CNTN5: variants seen among roughly 807,000 people sequenced by gnomAD.
The protein encoded by CNTN5 is contactin 5, also known as contactin-5.
A neutral mutation model predicts 129.1 loss-of-function variants in CNTN5; 77 were observed. The observed-to-expected ratio is 0.60, with a 90% CI of 0.50 to 0.72. CNTN5 has a LOEUF of 0.72. Among genes scored for constraint, CNTN5 ranks in the 30% least tolerant of loss-of-function variants. The probability of loss-of-function intolerance (pLI) is 0.00; values close to 1 mark genes in which losing one functional copy is unlikely to be tolerated. For missense variants in CNTN5, 1,478 were observed against 1,328.8 expected, an observed-to-expected ratio of 1.11 and a Z score of -1.75; for synonymous variants, 509 against 465.6, an observed-to-expected ratio of 1.09 and a Z score of -1.20.
chr11:100,039,919 C>T (rs183696252), intron 9 of CNTN5, among the ~76,000 whole-genome samples: 86 of 152,188 alleles, frequency 5.7e-4, no homozygotes, highest in African/African-American at 2.0e-3. Context: ...TTCGAATTTC[C>T]TCCTGTAGCT....
chr11:99,793,394 G>C (rs1227656594), intron 3 of CNTN5, among the ~76,000 whole-genome samples: 1 of 102,024 alleles, frequency 9.8e-6, no homozygotes, highest in Non-Finnish European at 2.4e-5. Context: ...TCAGCTTCTG[G>C]GTTTATTAAT....
At chr11:99,146,306 C>T (rs554927048) in intron 1 of CNTN5, among the ~76,000 whole-genome samples, 143 of 152,104 alleles carry the variant, frequency 9.4e-4, no homozygotes, top group Non-Finnish European at 1.8e-3. Flanking sequence ...TTCGTTTATC[C>T]ATTTGCAAAA....
At chr11:100,092,545 C>T (rs1239689974) in intron 13 of CNTN5, among the ~76,000 whole-genome samples, 2 of 152,144 alleles carry the variant, frequency 1.3e-5, no homozygotes, top group East Asian at 3.9e-4. Flanking sequence ...TTAAAACCCA[C>T]AAGTAAATCA....
At chr11:100,236,522 A>G (rs1453345562) in intron 16 of CNTN5, among the ~76,000 whole-genome samples, 1 of 152,134 alleles carries the variant, frequency 6.6e-6, no homozygotes, top group African/African-American at 2.4e-5. Context: ...GGTCTTTACT[A>G]TTGGGGCATT....
chr11:99,861,100 C>T (rs112262667), intron 6 of CNTN5, among the ~76,000 whole-genome samples: 8,232 of 151,898 alleles, frequency 0.054, 284 homozygotes, highest in Middle Eastern at 0.1. Flanking sequence ...GGACTACAGG[C>T]GCCAACCACC....
chr11:100,316,091 G>C (rs1951567682), intron 21 of CNTN5, among the ~76,000 whole-genome samples: 1 of 152,178 alleles, frequency 6.6e-6, no homozygotes, highest in Non-Finnish European at 1.5e-5. Context: ...TCCTAGAGCA[G>C]AGTCCCTCAA....
chr11:99,042,308 T>C (rs975925974), intron 1 of CNTN5, among the ~76,000 whole-genome samples: 1 of 151,614 alleles, frequency 6.6e-6, no homozygotes, highest in Non-Finnish European at 1.5e-5. Context: ...TCATGGCACA[T>C]GTATACCTAT....
At chr11:99,776,508 C>G (rs1232863693) in intron 3 of CNTN5, among the ~76,000 whole-genome samples, 1 of 151,640 alleles carries the variant, frequency 6.6e-6, no homozygotes, top group South Asian at 2.1e-4. Flanking sequence ...ATAACTCATA[C>G]TGAGCTTAAA....
chr11:99,981,077 G>GATATATATATAGATATATAT (rs1938303561), intron 8 of CNTN5, among the ~76,000 whole-genome samples: 2 of 57,598 alleles, frequency 3.5e-5, no homozygotes, highest in Non-Finnish European at 7.0e-5. Context: ...GAGCCAATAG[G>GATATATATATAGATATATAT]ATATATATAT....
intron 1 of CNTN5, among the ~76,000 whole-genome samples, chr11:99,105,717 A>G (rs980777612): frequency 1.3e-5 from 2 of 152,178 alleles, no homozygotes; most frequent in Non-Finnish European, 2.9e-5. Context: ...TAGTAGGAAA[A>G]CCTAAACCTT....
chr11:99,103,229 G>A (rs999209169), intron 1 of CNTN5, among the ~76,000 whole-genome samples: 45 of 152,188 alleles, frequency 3.0e-4, no homozygotes, highest in African/African-American at 1.0e-3. Flanking sequence ...GATTTGGGTG[G>A]GGACACAGCC....
chr11:99,064,349 C>T (rs1488384198), intron 1 of CNTN5, among the ~76,000 whole-genome samples: 1 of 152,116 alleles, frequency 6.6e-6, no homozygotes, highest in Non-Finnish European at 1.5e-5. Flanking sequence ...ATTCTATTGG[C>T]ATCAAATCCT....
chr11:99,877,315 A>G lies in CNTN5; in HGVS notation c.577+32053A>G, dbSNP rs551434468. On this transcript the variant is annotated intron_variant, in intron 6 of 24. Transcript: ENST00000524871. ...CTATCTTTAATTGAACTACTCAGCC[A>G]GATCCCATTGGGAGTAAAAATCTAG... is the stretch of plus-strand genomic sequence containing the variant. Among the ~76,000 whole-genome samples, 9 of 152,324 alleles carry G rather than the reference A, an allele frequency of 5.9e-5. No homozygotes were observed. The South Asian group carries it at 1.9e-3, about 32-fold the overall frequency.
At chr11:99,077,618 G>A (rs1326063982) in intron 1 of CNTN5, among the ~76,000 whole-genome samples, 3 of 152,140 alleles carry the variant, frequency 2.0e-5, no homozygotes, top group Non-Finnish European at 2.9e-5. Context: ...GTTAGGCTTT[G>A]TGTCCCCATC....
chr11:99,210,245 G>A (rs189008574), intron 1 of CNTN5, among the ~76,000 whole-genome samples: 8 of 151,972 alleles, frequency 5.3e-5, no homozygotes, highest in South Asian at 2.1e-4. Context: ...CCCCATTCCC[G>A]TCTTCCATTA....
intron 16 of CNTN5, among the ~76,000 whole-genome samples, chr11:100,238,739 A>C (rs1396875875): frequency 6.6e-6 from 1 of 152,204 alleles, no homozygotes; most frequent in Non-Finnish European, 1.5e-5. Context: ...CCTTATCTTT[A>C]AGATTAAATA....
chr11:99,812,120 C>CAGG (rs1265705846), intron 3 of CNTN5, among the ~76,000 whole-genome samples: 1 of 152,030 alleles, frequency 6.6e-6, no homozygotes, highest in Non-Finnish European at 1.5e-5. Flanking sequence ...AAACCCTGAA[C>CAGG]AGGAATATGG....
intron 13 of CNTN5, among the ~76,000 whole-genome samples, chr11:100,093,047 A>G (rs975451117): frequency 1.2e-4 from 19 of 152,082 alleles, no homozygotes; most frequent in Non-Finnish European, 7.4e-5. Flanking sequence ...TTCAGCAGCA[A>G]TATACAGTAT....
intron 2 of CNTN5, among the ~76,000 whole-genome samples, chr11:99,510,518 T>G (rs932462338): frequency 6.6e-6 from 1 of 152,198 alleles, no homozygotes; most frequent in Non-Finnish European, 1.5e-5. Context: ...TTGTATGTGC[T>G]TCAGAAAAGT....
Sources: allele counts gnomAD v4.1 joint callset (sites outside exome capture counted in the v4.1 genomes callset), GRCh38; gene constraint gnomAD v4.1.1; transcripts MANE v1.5; gene names NCBI Gene and HGNC (gene_info 2026-07-23, HGNC 2026-07-21).